Variants in TBC1D30 observed in about 807,000 individuals in gnomAD.
The protein encoded by TBC1D30 is TBC1 domain family member 30, also known as TBC1 domain family, member 30.
TBC1D30 carries 31 observed loss-of-function variants against 63.2 expected under a neutral mutation model. The observed-to-expected ratio is 0.49, with a 90% CI of 0.37 to 0.66. The LOEUF is 0.66. TBC1D30 is among the 30% of genes least tolerant of loss of function. TBC1D30 has a pLI of 0.00. For synonymous variants in TBC1D30, 307 were observed against 361.5 expected (o/e 0.85, Z 1.71); for missense variants, 810 against 953.6 (o/e 0.85, Z 1.98).
intron 2 of TBC1D30, among the ~76,000 whole-genome samples, chr12:64,800,038 G>A (rs1592560811): frequency 6.6e-6 from 1 of 152,146 alleles, no homozygotes; most frequent in Non-Finnish European, 1.5e-5. Context: ...CCCTGGAGGC[G>A]GAGGCTGCAG....
At chr12:64,826,313 C>T (rs1453583138) in intron 1 of TBC1D30, among the ~76,000 whole-genome samples, 3 of 152,164 alleles carry the variant, frequency 2.0e-5, no homozygotes, top group East Asian at 1.9e-4. Context: ...TTTTGGCCAA[C>T]TAACCCCTGC....
chr12:64,784,442 A>G (rs970411275), intron 1 of TBC1D30, among the ~76,000 whole-genome samples: 12 of 152,026 alleles, frequency 7.9e-5, no homozygotes, highest in African/African-American at 2.7e-4. Context: ...ACTTTTGAGC[A>G]TTTATTTTCT....
chr12:64,875,735 A>C lies in TBC1D30; in HGVS notation c.2233A>C (p.Ser745Arg). Reference protein sequence around the residue: ...RTPTVHFPQMSRSFSKPGGGN... With the variant: ...RTPTVHFPQMRRSFSKPGGGN... Reference sequence around the variant, plus strand: ...CCCAACTGTGCACTTTCCTCAAATGAGTAGGAGCTTCAGCAAACCCGGCGG... The same window carrying C: ...CCCAACTGTGCACTTTCCTCAAATGCGTAGGAGCTTCAGCAAACCCGGCGG... Residue 745 changes from serine to arginine, a missense_variant, in exon 12 of 12, where the codon AGT becomes CGT. Physicochemically the swap from Ser to Arg is moderately radical, Grantham distance 110 (BLOSUM62 -1). Coordinates refer to ENST00000539867, the MANE Select transcript of TBC1D30 (RefSeq NM_015279.2). The C allele has an allele frequency of 6.5e-7, 1 of 1,534,622 alleles. No homozygotes were observed. Among genetic ancestry groups the C allele is most frequent in the Admixed American group, 2.0e-5 (1 of 50,520 alleles).
intron 1 of TBC1D30, among the ~76,000 whole-genome samples, chr12:64,773,215 C>T (rs1870965993): frequency 6.6e-6 from 1 of 152,232 alleles, no homozygotes; most frequent in Admixed American, 6.5e-5. Flanking sequence ...TCTACCAAAA[C>T]ATGGCCAGAC....
rs1357695911 is a variant in TBC1D30 at position 64,870,813 on chromosome 12, T to C, written c.1498+5T>C. 2.0e-6 allele frequency: 3 copies of C among 1,535,888 alleles called. No homozygotes were observed. Among genetic ancestry groups the C allele is most frequent in the Admixed American group, 3.9e-5 (2 of 50,998 alleles). On this transcript the variant is annotated splice_donor_5th_base_variant and intron_variant, in intron 11 of 11. Transcript: ENST00000539867. ...ATCAGGTGTACATCAGGGCAGGTAA[T>C]GTGATTCTTCATTTGAATCAATTTC...
chr12:64,763,162 G>A (rs1870580011), intron 1 of TBC1D30, among the ~76,000 whole-genome samples: 1 of 152,056 alleles, frequency 6.6e-6, no homozygotes, highest in Admixed American at 6.6e-5. Flanking sequence ...CGCCATGTTG[G>A]CCAGGCTGGT....
intron 2 of TBC1D30, among the ~76,000 whole-genome samples, chr12:64,813,754 G>T (rs1033419619): frequency 6.6e-6 from 1 of 152,198 alleles, no homozygotes; most frequent in African/African-American, 2.4e-5. Flanking sequence ...AATTTCTCTT[G>T]TAGTTGGATA....
intron 2 of TBC1D30, among the ~76,000 whole-genome samples, chr12:64,795,713 T>G (rs1481620822): frequency 1.3e-5 from 2 of 152,106 alleles, no homozygotes; most frequent in Admixed American, 1.3e-4. Context: ...CCTTTTTTTT[T>G]TTTTTTGTCC....
At chr12:64,841,450 C>T (rs1186287159) in intron 7 of TBC1D30, among the ~76,000 whole-genome samples, 1 of 152,040 alleles carries the variant, frequency 6.6e-6, no homozygotes, top group African/African-American at 2.4e-5. Context: ...CATGGTAATC[C>T]ACACTTGCCA....
chr12:64,770,487 T>C (rs1018161848), intron 1 of TBC1D30, among the ~76,000 whole-genome samples: 1 of 152,208 alleles, frequency 6.6e-6, no homozygotes, highest in African/African-American at 2.4e-5. Context: ...TCACCACTGC[T>C]GCTGCTTCTC....
At chr12:64,769,730 C>T (rs1870839825) in intron 1 of TBC1D30, among the ~76,000 whole-genome samples, 1 of 151,922 alleles carries the variant, frequency 6.6e-6, no homozygotes, top group Non-Finnish European at 1.5e-5. Flanking sequence ...CCATGTTGGC[C>T]AGGCTGGTCT....
At chr12:64,854,266 G>A (rs1265540407) in intron 8 of TBC1D30, among the ~76,000 whole-genome samples, 2 of 151,658 alleles carry the variant, frequency 1.3e-5, no homozygotes, top group African/African-American at 4.8e-5. Context: ...TTGATTTGAG[G>A]TTACCACGAC....
At chr12:64,836,453 T>C (rs1242187814) in intron 5 of TBC1D30, 37 bp from the exon 6 acceptor site, 1 of 1,500,460 alleles carries the variant, frequency 6.7e-7, no homozygotes, top group Admixed American at 2.1e-5. Flanking sequence ...TCCCAGTTTT[T>C]ACAAAGCAGT....
chr12:64,788,486 G>A (rs1871729301), intron 2 of TBC1D30, among the ~76,000 whole-genome samples: 1 of 152,148 alleles, frequency 6.6e-6, no homozygotes, highest in African/African-American at 2.4e-5. Flanking sequence ...AACAAGTTCA[G>A]GAGATAGAGA....
chr12:64,836,325 T>G (rs1875346843), intron 5 of TBC1D30, among the ~76,000 whole-genome samples, 165 bp from the exon 6 acceptor site: 1 of 152,208 alleles, frequency 6.6e-6, no homozygotes, highest in Non-Finnish European at 1.5e-5. Flanking sequence ...CTAGCCAGGC[T>G]GTAGGAGAGC....
chr12:64,872,314 C>T (rs180971844), intron 11 of TBC1D30, among the ~76,000 whole-genome samples: 1 of 152,302 alleles, frequency 6.6e-6, no homozygotes, highest in Admixed American at 6.5e-5. Context: ...AGGAGTGGGC[C>T]ACCGCACCTG....
At chr12:64,855,946 T>C (rs545376873) in intron 8 of TBC1D30, among the ~76,000 whole-genome samples, 3 of 152,340 alleles carry the variant, frequency 2.0e-5, no homozygotes, top group African/African-American at 7.2e-5. Flanking sequence ...GGGAAGGCTT[T>C]CCAGGTGTTA....
chr12:64,857,700 TCAGGTTTAC>T (rs1185122056), intron 8 of TBC1D30, among the ~76,000 whole-genome samples: 1 of 152,204 alleles, frequency 6.6e-6, no homozygotes, highest in Non-Finnish European at 1.5e-5. Flanking sequence ...AGTCTGCTGT[TCAGGTTTAC>T]CTAGGACCCC....
At chr12:64,865,643 G>A (rs558517173) in intron 9 of TBC1D30, among the ~76,000 whole-genome samples, 1 of 152,198 alleles carries the variant, frequency 6.6e-6, no homozygotes, top group Non-Finnish European at 1.5e-5. Flanking sequence ...ATCACTTGAG[G>A]CCAGGAATTC....
Sources: allele counts gnomAD v4.1 joint callset (sites outside exome capture counted in the v4.1 genomes callset), GRCh38; gene constraint gnomAD v4.1.1; transcripts MANE v1.5; gene names NCBI Gene and HGNC (gene_info 2026-07-23, HGNC 2026-07-21).